Variants in CNTN4 observed in about 807,000 individuals in gnomAD.
CNTN4 encodes contactin 4.
In CNTN4, 77 loss-of-function variants were observed where a neutral mutation model predicts 122.5. The observed-to-expected ratio is 0.63, with a 90% CI of 0.52 to 0.76. The LOEUF (loss-of-function observed/expected upper bound fraction) is 0.76, where lower values mean the gene tolerates loss of function less well. Among genes scored for constraint, CNTN4 ranks in the 30% least tolerant of loss-of-function variants. The pLI is 0.00. For synonymous variants in CNTN4, 512 were observed against 447.0 expected, an observed-to-expected ratio of 1.15 and a Z score of -1.83; for missense variants, 1,256 against 1,259.1, an observed-to-expected ratio of 1.00 and a Z score of 0.04.
At chr3:2,945,062 G>A (rs1047602638) in intron 13 of CNTN4, among the ~76,000 whole-genome samples, 1 of 152,134 alleles carries the variant, frequency 6.6e-6, no homozygotes, top group African/African-American at 2.4e-5. Context: ...CCGTTTCAGG[G>A]GGTAATTCAG....
At chr3:2,305,136 A>T (rs2042658794) in intron 2 of CNTN4, among the ~76,000 whole-genome samples, 1 of 152,122 alleles carries the variant, frequency 6.6e-6, no homozygotes, top group Non-Finnish European at 1.5e-5. Context: ...TTGACACTTG[A>T]AAAATCGCTG....
intron 13 of CNTN4, among the ~76,000 whole-genome samples, chr3:2,947,676 G>T (rs930487380): frequency 6.6e-6 from 1 of 152,164 alleles, no homozygotes; most frequent in Non-Finnish European, 1.5e-5. Context: ...TGAATGGCAG[G>T]TTGTCAATTA....
chr3:2,807,205 C>G (rs2092488801), intron 6 of CNTN4, among the ~76,000 whole-genome samples: 1 of 152,152 alleles, frequency 6.6e-6, no homozygotes, highest in Non-Finnish European at 1.5e-5. Context: ...GGGGCATGAG[C>G]AATGGCATTT....
At chr3:2,804,498 T>C (rs1387830012) in intron 6 of CNTN4, among the ~76,000 whole-genome samples, 3 of 152,172 alleles carry the variant, frequency 2.0e-5, no homozygotes, top group Non-Finnish European at 4.4e-5. Context: ...GAGGATTCGA[T>C]TTTATGTATT....
chr3:2,398,217 G>A (rs973611380), intron 3 of CNTN4, among the ~76,000 whole-genome samples: 1 of 151,972 alleles, frequency 6.6e-6, no homozygotes, highest in Admixed American at 6.6e-5. Context: ...TTAAAGAATA[G>A]GATTTATATC....
At chr3:2,722,989 A>G (rs1246453882) in intron 4 of CNTN4, among the ~76,000 whole-genome samples, 1 of 152,172 alleles carries the variant, frequency 6.6e-6, no homozygotes, top group African/African-American at 2.4e-5. Context: ...TGTCTATTGA[A>G]GGGAAATGGA....
chr3:2,891,906 G>C (rs2094045740), intron 10 of CNTN4, among the ~76,000 whole-genome samples: 2 of 152,312 alleles, frequency 1.3e-5, no homozygotes, highest in South Asian at 4.1e-4. Flanking sequence ...TGGAAACCAA[G>C]AGCAAAAGCC....
At chr3:2,871,064 A>C (rs73112755) in intron 8 of CNTN4, among the ~76,000 whole-genome samples, 1 of 152,032 alleles carries the variant, frequency 6.6e-6, no homozygotes, top group African/African-American at 2.4e-5. Context: ...GATGTCTCCT[A>C]TGTGGGGCCA....
intron 3 of CNTN4, among the ~76,000 whole-genome samples, chr3:2,483,449 G>C (rs1157563604): frequency 1.3e-5 from 2 of 152,186 alleles, no homozygotes; most frequent in Non-Finnish European, 2.9e-5. Flanking sequence ...AATGAGCTAA[G>C]ACTAGGGGCT....
chr3:2,671,015 T>C (rs1368534174), intron 4 of CNTN4, among the ~76,000 whole-genome samples: 1 of 152,232 alleles, frequency 6.6e-6, no homozygotes, highest in Non-Finnish European at 1.5e-5. Context: ...TCTCTCTGTC[T>C]GCCCTTAACA....
intron 2 of CNTN4, among the ~76,000 whole-genome samples, chr3:2,122,145 A>G (rs976558028): frequency 7.1e-6 from 1 of 140,500 alleles, no homozygotes; most frequent in African/African-American, 2.6e-5. Context: ...ACAGAGCGAC[A>G]CTCCATCTCA....
intron 4 of CNTN4, among the ~76,000 whole-genome samples, chr3:2,681,382 C>T (rs2085156794): frequency 6.6e-6 from 1 of 152,080 alleles, no homozygotes; most frequent in African/African-American, 2.4e-5. Flanking sequence ...GTGATCTCAC[C>T]AGCAGTGCAA....
chr3:2,458,237 C>A (rs1370656023), intron 3 of CNTN4, among the ~76,000 whole-genome samples: 1 of 152,044 alleles, frequency 6.6e-6, no homozygotes, highest in Non-Finnish European at 1.5e-5. Flanking sequence ...TGAATTAAAC[C>A]AAATAGTAAA....
chr3:2,350,351 A>G (rs2044562350), intron 3 of CNTN4, among the ~76,000 whole-genome samples: 1 of 152,208 alleles, frequency 6.6e-6, no homozygotes, highest in South Asian at 2.1e-4. Context: ...CTGCTGAATA[A>G]TCTTCTTAAC....
chr3:2,251,248 A>T (rs911336326), intron 2 of CNTN4, among the ~76,000 whole-genome samples: 2 of 151,912 alleles, frequency 1.3e-5, no homozygotes, highest in Non-Finnish European at 2.9e-5. Context: ...TAAGATATTA[A>T]ATATTTGCTA....
intron 13 of CNTN4, among the ~76,000 whole-genome samples, chr3:2,936,570 A>T (rs780018592): frequency 3.3e-5 from 5 of 151,946 alleles, no homozygotes; most frequent in Non-Finnish European, 7.4e-5. Flanking sequence ...CAGCTGTCTC[A>T]CTTCACTCAC....
intron 3 of CNTN4, among the ~76,000 whole-genome samples, chr3:2,360,441 A>G (rs1208417737): frequency 1.3e-5 from 2 of 152,180 alleles, no homozygotes; most frequent in Non-Finnish European, 2.9e-5. Flanking sequence ...TCCGTATTTC[A>G]GTCTTCTATA....
At chr3:2,946,711 T>TC (rs2094682961) in intron 13 of CNTN4, among the ~76,000 whole-genome samples, 2 of 149,056 alleles carry the variant, frequency 1.3e-5, no homozygotes, top group Admixed American at 1.3e-4. Context: ...TTTCTTTTTT[T>TC]TTTTTTTTTT....
intron 3 of CNTN4, among the ~76,000 whole-genome samples, chr3:2,443,800 A>G (rs775097354): frequency 1.3e-5 from 2 of 152,126 alleles, no homozygotes; most frequent in Non-Finnish European, 2.9e-5. Context: ...GGTGAAGTTC[A>G]GTGTTTCTTT....
Sources: allele counts gnomAD v4.1 joint callset (sites outside exome capture counted in the v4.1 genomes callset), GRCh38; gene constraint gnomAD v4.1.1; transcripts MANE v1.5; gene names NCBI Gene and HGNC (gene_info 2026-07-23, HGNC 2026-07-21).